The following MACF1 variants were observed in gnomAD, a reference collection of about 807,000 sequenced individuals.
MACF1 encodes microtubule-actin cross-linking factor 1.
Under a neutral mutation model 854.8 loss-of-function variants are expected in MACF1, and 193 were observed. That is an observed-to-expected ratio of 0.23 (90% CI 0.20 to 0.25). The LOEUF (loss-of-function observed/expected upper bound fraction) is 0.25. MACF1 is among the 10% of genes least tolerant of loss of function. MACF1 has a pLI of 1.00. For synonymous variants in MACF1, 3,185 were observed against 3,226.7 expected (o/e 0.99, Z 0.44); for missense variants, 7,722 against 8,929.1 (o/e 0.86, Z 5.45).
chr1:39,432,258 T>G (rs529506415), intron 66 of MACF1, among the ~76,000 whole-genome samples: 3 of 152,308 alleles, frequency 2.0e-5, no homozygotes, highest in African/African-American at 7.2e-5. Context: ...AAACACTGAT[T>G]AGAGGCATCT....
chr1:39,336,079 C>T lies in MACF1; in HGVS notation c.9491C>T (p.Ser3164Leu). The change falls in exon 37 of 101, where the codon TCA becomes TTA. Residue 3164 changes from serine (S) to leucine (L), a missense_variant. Physicochemically the swap from Ser to Leu is moderately radical, Grantham distance 145. Coordinates refer to ENST00000564288, the MANE Select transcript of MACF1 (RefSeq NM_001394062.1). ...AAGGAAACCAAACATCAAATTTCCT[C>T]ATCTAATGAATGTAAAGAAAAGTCA... ...KTKETKHQIS[S>L]SNECKEKSYQ... The T allele has an allele frequency of 6.2e-7, 1 of 1,613,962 alleles. No homozygotes were observed. Among genetic ancestry groups the T allele is most frequent in the Non-Finnish European group, 8.5e-7 (1 of 1,179,986 alleles).
In MACF1 at chr1:39,486,910, C is replaced by T. The variant is rs1385691462; in HGVS notation, c.*1116C>T. 2 of 152,596 alleles carry T rather than the reference C, an allele frequency of 1.3e-5. No individual in the cohort carries two copies. The highest frequency in any genetic ancestry group is 2.4e-5 in the African/African-American group (1 of 41,448). 9.5% of individuals were successfully genotyped at this position (152,596 alleles called of 1,614,324 possible). A position where few individuals can be genotyped will look rare whatever the true frequency, so the allele number is the denominator to read the frequency against. On this transcript the variant is annotated 3_prime_UTR_variant, in exon 101 of 101. Transcript: ENST00000564288. Reference sequence around the variant, plus strand: ...TTATCTCAATTGGTTTTAATTGAGGCAGAAACTGAAGCTCTACCAATGAAC... The same window carrying T: ...TTATCTCAATTGGTTTTAATTGAGGTAGAAACTGAAGCTCTACCAATGAAC...
chr1:39,308,147 G>A (rs1446149879), intron 23 of MACF1, among the ~76,000 whole-genome samples: 2 of 151,508 alleles, frequency 1.3e-5, no homozygotes, highest in Non-Finnish European at 2.9e-5. Context: ...CTCGTGATCT[G>A]CCCTCCTCGG....
chr1:39,325,569 A>G (rs972840406), intron 35 of MACF1, among the ~76,000 whole-genome samples: 3 of 152,244 alleles, frequency 2.0e-5, no homozygotes, highest in African/African-American at 4.8e-5. Flanking sequence ...GTTTTCGAGT[A>G]AGTCTCAAGG....
intron 31 of MACF1, among the ~76,000 whole-genome samples, chr1:39,320,409 A>G (rs953510980): frequency 2.0e-5 from 3 of 152,192 alleles, no homozygotes; most frequent in African/African-American, 7.2e-5. Flanking sequence ...TCTGCATGCC[A>G]AAAAGAGGAA....
In MACF1 at chr1:39,359,158, G is replaced by C. The variant is rs560355067; in HGVS notation, c.12138G>C (p.Leu4046Phe). 4 of 1,613,942 alleles carry C rather than the reference G, an allele frequency of 2.5e-6. No homozygotes were observed. The East Asian group carries it at 6.7e-5, about 27-fold the overall frequency. Residue 4046 changes from leucine to phenylalanine, a missense_variant, in exon 47 of 101, where the codon TTG becomes TTC. Coordinates refer to ENST00000564288, the MANE Select transcript of MACF1 (RefSeq NM_001394062.1). ...ACAAGCAGCAGTTGCAGGAGGAATT[G>C]GCTGAGCACCAAGTACCTGTGGAAA... ...LATTKQLQEE[L>F]AEHQVPVEKL...
rs755361896 is a variant in MACF1 at position 39,480,931 on chromosome 1, G to A, written c.22182G>A (p.Gln7394=). 1 of 1,546,508 alleles carries A rather than the reference G, an allele frequency of 6.5e-7. No individual in the cohort carries two copies. Among genetic ancestry groups the A allele is most frequent in the South Asian group, 1.2e-5 (1 of 83,908 alleles). Reference sequence around the variant, plus strand: ...TTTCCGTTTCACAGACTTCACTTCAGTTCTCTCGCTGTTATGACAAACCCT... The same window carrying A: ...TTTCCGTTTCACAGACTTCACTTCAATTCTCTCGCTGTTATGACAAACCCT... ...TPASGTKTSL[Q]FSRCYDKPWL... is the part of the protein sequence containing the mutation. The change falls in exon 99 of 101, where the codon CAG becomes CAA. Residue 7394 remains glutamine, a synonymous_variant. Coordinates refer to ENST00000564288, the MANE Select transcript of MACF1 (RefSeq NM_001394062.1).
At chr1:39,462,899 T>G (rs1644583754) in intron 93 of MACF1, among the ~76,000 whole-genome samples, 1 of 152,138 alleles carries the variant, frequency 6.6e-6, no homozygotes, top group South Asian at 2.1e-4. Flanking sequence ...GGACAGGTCT[T>G]AGGAGTGGCC....
chr1:39,444,609 G>A (rs1644186891), intron 79 of MACF1, 53 bp from the exon 80 acceptor site: 2 of 1,502,962 alleles, frequency 1.3e-6, no homozygotes, highest in African/African-American at 1.4e-5. Context: ...TCTATATGTA[G>A]GTGTCTTCCA....
Position 39,335,462 on chromosome 1 carries a change from G to A in MACF1, c.8874G>A (p.Pro2958=), listed in dbSNP as rs764003721. The change falls in exon 37 of 101, where the codon CCG becomes CCA. Residue 2958 remains proline, a synonymous_variant. Coordinates refer to ENST00000564288, the MANE Select transcript of MACF1 (RefSeq NM_001394062.1). ...ATTGTGAAACGTCAGGCAAATTGCCGAGTGAGCAGGTTTTGCAGCAACCAA... is the reference window on the plus strand; with the variant it reads ...ATTGTGAAACGTCAGGCAAATTGCCAAGTGAGCAGGTTTTGCAGCAACCAA... The part of the protein sequence containing the change: ...ETYCETSGKL[P]SEQVLQQPMN... 16 of 1,614,208 alleles carry A rather than the reference G, an allele frequency of 9.9e-6. No homozygotes were observed. Among genetic ancestry groups the A allele is most frequent in the South Asian group, 6.6e-5 (6 of 91,082 alleles).
chr1:39,410,458 A>G, intron 58 of MACF1: 2 of 1,614,060 alleles, frequency 1.2e-6, no homozygotes, highest in South Asian at 1.1e-5. Flanking sequence ...CATGGAAAAG[A>G]TGGAAGGAAG....
rs192682381 is a variant in MACF1, at chr1:39,411,510, C to T, written c.15817-10864C>T. The T allele has an allele frequency of 3.5e-5, 56 of 1,613,522 alleles. No individual in the cohort carries two copies. In the East Asian group the frequency reaches 1.2e-3, roughly 33 times the overall value. On this transcript the variant is annotated intron_variant, in intron 58 of 100. Transcript: ENST00000564288. ...TGGCTACTGTTCCCAAGGATATACC[C>T]CTGGATTGCGATTGTGTTCTTACAG...
chr1:39,374,654 GGTT>G, intron 52 of MACF1, among the ~76,000 whole-genome samples: 1 of 152,096 alleles, frequency 6.6e-6, no homozygotes, highest in Non-Finnish European at 1.5e-5. Flanking sequence ...AGAAATGAGT[GGTT>G]GTGACTGTAT....
At chr1:39,456,257 C>T (rs975458227) in intron 89 of MACF1, among the ~76,000 whole-genome samples, 2 of 152,154 alleles carry the variant, frequency 1.3e-5, no homozygotes, top group Non-Finnish European at 2.9e-5. Context: ...TCACTTGAAC[C>T]AGGGAGGCAG....
chr1:39,460,892 C>A lies in MACF1; in HGVS notation c.21523+98C>A. The A allele has an allele frequency of 2.8e-6, 4 of 1,415,168 alleles. No individual in the cohort carries two copies. The highest frequency in any genetic ancestry group is 2.9e-6 in the Non-Finnish European group (3 of 1,019,156). The allele number at this position is 1,415,168 out of a possible 1,614,324, so 87.7% of individuals were successfully genotyped here. On this transcript the variant is annotated intron_variant, in intron 92 of 100. Coordinates refer to ENST00000564288, the MANE Select transcript of MACF1 (RefSeq NM_001394062.1). This position sits in a 1 kb window ranked among gnomAD's most constrained non-coding sequence, Gnocchi z 4.1. ...AGCTAAACAGTCTTTCTGAAGCTGG[C>A]CAGGAGCTTGGCTCACACCTGTAAT...
chr1:39,350,484 G>A (rs188264893), intron 42 of MACF1, among the ~76,000 whole-genome samples: 66 of 152,294 alleles, frequency 4.3e-4, no homozygotes, highest in African/African-American at 1.6e-3. Flanking sequence ...ACTCTGCTAA[G>A]ATCATGTTGT....
At chr1:39,190,643 C>T (rs780113093) in intron 2 of MACF1, among the ~76,000 whole-genome samples, 2 of 151,858 alleles carry the variant, frequency 1.3e-5, no homozygotes, top group Non-Finnish European at 2.9e-5. Context: ...TGTGCTGTCT[C>T]TCTTTTTCTC....
rs1417269347 is a variant in MACF1 at position 39,316,402 on chromosome 1, T to G, written c.3461T>G (p.Val1154Gly). The change falls in exon 28 of 101, where the codon GTT becomes GGT. Residue 1154 changes from valine (V) to glycine (G), a missense_variant. Val to Gly is a moderately radical substitution (Grantham distance 109). Transcript: ENST00000564288. ...ATTTGTCCCCACAGGTTAAAGACAGTTGATGTTATAGTACGTAGCATACAG... is the reference window on the plus strand; with the variant it reads ...ATTTGTCCCCACAGGTTAAAGACAGGTGATGTTATAGTACGTAGCATACAG... ...STVYLNKLKT[V>G]DVIVRSIQDA... 1 of 1,610,654 alleles carries G rather than the reference T, an allele frequency of 6.2e-7. No homozygotes were observed. Among genetic ancestry groups the G allele is most frequent in the Non-Finnish European group, 8.5e-7 (1 of 1,178,184 alleles).
chr1:39,156,759 C>T (rs1214551209), intron 2 of MACF1, among the ~76,000 whole-genome samples: 4 of 152,154 alleles, frequency 2.6e-5, no homozygotes, highest in African/African-American at 7.2e-5. Context: ...GTCTAATTTA[C>T]GGTCTTTAAG....
Sources: gnomAD v4.1 joint callset for allele counts (sites outside exome capture counted in the v4.1 genomes callset) on GRCh38, gnomAD v4.1.1 for gene constraint, Gnocchi (gnomAD v3.1) non-coding constraint, MANE v1.5 for transcripts, NCBI Gene and HGNC (gene_info 2026-07-23, HGNC 2026-07-21) for gene names.